The following CNTN4 variants were observed in gnomAD, a reference collection of about 807,000 sequenced individuals.
CNTN4 encodes contactin-4.
Under a neutral mutation model 122.5 loss-of-function variants are expected in CNTN4, and 77 were observed. That is an observed-to-expected ratio of 0.63 (90% CI 0.52 to 0.76). The LOEUF is 0.76. CNTN4 is among the 30% of genes least tolerant of loss of function. The pLI is 0.00. For synonymous variants in CNTN4, 512 were observed against 447.0 expected (o/e 1.15, Z -1.83); for missense variants, 1,256 against 1,259.1 (o/e 1.00, Z 0.04).
intron 3 of CNTN4, among the ~76,000 whole-genome samples, chr3:2,387,323 C>T (rs116581414): frequency 1.1e-3 from 162 of 152,058 alleles, no homozygotes; most frequent in African/African-American, 3.8e-3. Flanking sequence ...AATATTTAAC[C>T]TGATGAGTTA....
At chr3:2,125,092 T>C (rs2729011) in intron 2 of CNTN4, among the ~76,000 whole-genome samples, 5,116 of 152,164 alleles carry the variant, frequency 0.034, 185 homozygotes, top group South Asian at 0.13. Context: ...TTATACCCTT[T>C]GTACCCTTGA....
chr3:2,160,446 G>T (rs1206888615), intron 2 of CNTN4, among the ~76,000 whole-genome samples: 1 of 152,032 alleles, frequency 6.6e-6, no homozygotes, highest in Non-Finnish European at 1.5e-5. Context: ...ATGACTTCTG[G>T]CAAGTCAAAT....
intron 2 of CNTN4, among the ~76,000 whole-genome samples, chr3:2,208,332 A>C (rs796137521): frequency 1.2e-4 from 19 of 152,176 alleles, no homozygotes; most frequent in African/African-American, 4.3e-4. Context: ...CAGTGCAGGA[A>C]GTTAACTGCT....
chr3:2,678,077 A>T (rs61324358), intron 4 of CNTN4, among the ~76,000 whole-genome samples: 21,353 of 152,026 alleles, frequency 0.14, 1,686 homozygotes, highest in African/African-American at 0.2. Context: ...TAAGGTAGGA[A>T]AAAAAGGGGG....
intron 3 of CNTN4, among the ~76,000 whole-genome samples, chr3:2,439,010 A>C (rs1162780967): frequency 6.6e-6 from 1 of 152,216 alleles, no homozygotes; most frequent in East Asian, 1.9e-4. Context: ...GACTGTGGCC[A>C]TGGTCACCCT....
intron 6 of CNTN4, among the ~76,000 whole-genome samples, chr3:2,754,695 A>G (rs1162289946): frequency 6.6e-6 from 1 of 152,062 alleles, no homozygotes; most frequent in Non-Finnish European, 1.5e-5. Context: ...TGTGACTTCA[A>G]GCAAGCAATC....
chr3:2,399,405 G>A (rs1396404345), intron 3 of CNTN4, among the ~76,000 whole-genome samples: 1 of 151,866 alleles, frequency 6.6e-6, no homozygotes, highest in African/African-American at 2.4e-5. Context: ...TTTTGTTTTT[G>A]TTGTTGTTTG....
At chr3:2,342,060 G>A (rs933324664) in intron 3 of CNTN4, among the ~76,000 whole-genome samples, 10 of 152,208 alleles carry the variant, frequency 6.6e-5, no homozygotes, top group Non-Finnish European at 8.8e-5. Context: ...AGTGTCAGTG[G>A]TTGAATGGGC....
chr3:2,537,340 G>A (rs895176771), intron 3 of CNTN4, among the ~76,000 whole-genome samples: 17 of 152,002 alleles, frequency 1.1e-4, no homozygotes, highest in Admixed American at 7.9e-4. Context: ...AAGTCTGAAG[G>A]ATAATAACTG....
chr3:2,321,964 A>T (rs2043290009), intron 2 of CNTN4, among the ~76,000 whole-genome samples: 1 of 152,110 alleles, frequency 6.6e-6, no homozygotes, highest in Admixed American at 6.5e-5. Context: ...ACTGTGGGAA[A>T]CCACAAACAG....
intron 2 of CNTN4, among the ~76,000 whole-genome samples, chr3:2,328,323 G>T (rs1475097339): frequency 6.7e-6 from 1 of 150,206 alleles, no homozygotes; most frequent in African/African-American, 2.4e-5. Context: ...GGAGAATGGC[G>T]GGAACCCGGG....
chr3:2,939,554 ACCTTCCATGCC>A (rs1241737666), intron 13 of CNTN4, among the ~76,000 whole-genome samples: 4 of 152,220 alleles, frequency 2.6e-5, no homozygotes, highest in African/African-American at 9.7e-5. Context: ...AAATTTTTTA[ACCTTCCATGCC>A]CCTAAAAATG....
intron 3 of CNTN4, among the ~76,000 whole-genome samples, chr3:2,389,463 A>G (rs80176676): frequency 0.028 from 4,186 of 152,138 alleles, 99 homozygotes; most frequent in Non-Finnish European, 0.04. Context: ...ACTATCTTTC[A>G]TAAATGATCC....
chr3:2,674,057 T>G (rs1177765869), intron 4 of CNTN4, among the ~76,000 whole-genome samples: 1 of 152,196 alleles, frequency 6.6e-6, no homozygotes, highest in Non-Finnish European at 1.5e-5. Flanking sequence ...TCCAGCTGAA[T>G]GTAGCCACGT....
chr3:3,003,281 C>G (rs548107089), intron 14 of CNTN4, among the ~76,000 whole-genome samples: 1 of 151,820 alleles, frequency 6.6e-6, no homozygotes, highest in Admixed American at 6.6e-5. Flanking sequence ...GCAAGGAAAA[C>G]TTGTATACAA....
intron 13 of CNTN4, among the ~76,000 whole-genome samples, chr3:2,958,670 C>T (rs1025507010): frequency 2.0e-5 from 3 of 152,048 alleles, no homozygotes; most frequent in Non-Finnish European, 2.9e-5. Context: ...TCACAGGCTG[C>T]AAGAATGCAG....
intron 3 of CNTN4, among the ~76,000 whole-genome samples, chr3:2,521,691 T>C (rs1351942179): frequency 6.6e-6 from 1 of 152,124 alleles, no homozygotes; most frequent in Admixed American, 6.6e-5. Flanking sequence ...TATATAGTGT[T>C]TATCTACTTT....
chr3:2,863,557 C>G (rs2093692646), intron 7 of CNTN4, among the ~76,000 whole-genome samples: 1 of 126,954 alleles, frequency 7.9e-6, no homozygotes. Context: ...TTCTGTTGTT[C>G]TATTTAATAT....
At chr3:2,347,769 G>T (rs990458681) in intron 3 of CNTN4, among the ~76,000 whole-genome samples, 14 of 151,482 alleles carry the variant, frequency 9.2e-5, no homozygotes, top group African/African-American at 3.4e-4. Flanking sequence ...TTTATGAAAA[G>T]CACTGCACGG....
Sources: allele counts gnomAD v4.1 joint callset (sites outside exome capture counted in the v4.1 genomes callset), GRCh38; gene constraint gnomAD v4.1.1; transcripts MANE v1.5; gene names NCBI Gene and HGNC (gene_info 2026-07-23, HGNC 2026-07-21).